Variants in DLGAP2 observed in about 807,000 individuals in gnomAD.
DLGAP2 encodes disks large-associated protein 2.
Under a neutral mutation model 100.3 loss-of-function variants are expected in DLGAP2, and 26 were observed. The observed-to-expected ratio is 0.26, with a 90% CI of 0.19 to 0.36. The LOEUF (loss-of-function observed/expected upper bound fraction) is 0.36, where lower values mean the gene tolerates loss of function less well. Among genes scored for constraint, DLGAP2 ranks in the 10% least tolerant of loss-of-function variants. The pLI, the probability that DLGAP2 is intolerant of heterozygous loss-of-function variation, is 1.00. For missense variants in DLGAP2, 1,858 were observed against 1,453.2 expected (o/e 1.28, Z -4.53); for synonymous variants, 886 against 630.1 (o/e 1.41, Z -6.08).
intron 2 of DLGAP2, among the ~76,000 whole-genome samples, chr8:1,125,064 C>A (rs1406935995): frequency 6.6e-6 from 1 of 152,240 alleles, no homozygotes; most frequent in Admixed American, 6.5e-5. Flanking sequence ...TTCTTTGAAT[C>A]CTGTCATGTC....
intron 5 of DLGAP2, among the ~76,000 whole-genome samples, chr8:1,558,112 G>A (rs548033455): frequency 6.6e-5 from 10 of 152,202 alleles, no homozygotes; most frequent in Non-Finnish European, 1.5e-4. Context: ...TGGCATCCAC[G>A]CATCCTGGGG....
chr8:891,124 A>C (rs1236331117), intron 1 of DLGAP2: 1 of 148,618 alleles, frequency 6.7e-6, no homozygotes, highest in African/African-American at 2.6e-5. Context: ...CGGGGTAAAT[A>C]AGGCACCCCC....
chr8:975,335 T>C (rs964482866), intron 2 of DLGAP2, among the ~76,000 whole-genome samples: 1 of 152,190 alleles, frequency 6.6e-6, no homozygotes. Context: ...ATTATTTCAG[T>C]ACTCCACAAC....
At chr8:1,262,460 G>A (rs374985347) in intron 3 of DLGAP2, 107 of 152,176 alleles carry the variant, frequency 7.0e-4, no homozygotes, top group African/African-American at 2.5e-3. Flanking sequence ...AGCGTGGCGT[G>A]AAAATGGAGC....
At chr8:1,139,388 C>T (rs1444859763) in intron 2 of DLGAP2, among the ~76,000 whole-genome samples, 2 of 152,228 alleles carry the variant, frequency 1.3e-5, no homozygotes, top group South Asian at 4.1e-4. Context: ...CTGCAGGCTG[C>T]AAGTCCGTGA....
chr8:884,995 C>G (rs955120083), intron 1 of DLGAP2, among the ~76,000 whole-genome samples: 3 of 152,128 alleles, frequency 2.0e-5, no homozygotes, highest in Non-Finnish European at 2.9e-5. Flanking sequence ...GTCTATATGT[C>G]TGTTTTGGTG....
intron 6 of DLGAP2, among the ~76,000 whole-genome samples, chr8:1,617,464 T>C (rs1797193486): frequency 6.6e-6 from 1 of 152,256 alleles, no homozygotes; most frequent in Non-Finnish European, 1.5e-5. Context: ...GATTTGCATT[T>C]CTTTAATGAT....
chr8:1,567,536 G>T (rs1350343429), intron 6 of DLGAP2, among the ~76,000 whole-genome samples: 1 of 152,182 alleles, frequency 6.6e-6, no homozygotes, highest in Non-Finnish European at 1.5e-5. Context: ...TACGAACGGC[G>T]TTTTCCTGTT....
At chr8:1,679,913 G>A (rs1268883246) in intron 12 of DLGAP2, among the ~76,000 whole-genome samples, 2 of 146,754 alleles carry the variant, frequency 1.4e-5, no homozygotes, top group Non-Finnish European at 3.0e-5. Context: ...CTGGGAGGCA[G>A]AGGTTGCAGT....
intron 3 of DLGAP2, among the ~76,000 whole-genome samples, chr8:1,271,856 C>A (rs1009993249): frequency 2.0e-5 from 3 of 152,000 alleles, no homozygotes; most frequent in Admixed American, 2.0e-4. Flanking sequence ...GTTCTATCAC[C>A]CAGGCTGGAG....
At chr8:895,052 G>A (rs369752096) in intron 1 of DLGAP2, among the ~76,000 whole-genome samples, 3 of 148,146 alleles carry the variant, frequency 2.0e-5, no homozygotes, top group African/African-American at 7.5e-5. Context: ...GGCTGGGGTG[G>A]GTGTGGGGAG....
At chr8:1,176,137 C>A (rs1020579700) in intron 2 of DLGAP2, among the ~76,000 whole-genome samples, 4 of 152,124 alleles carry the variant, frequency 2.6e-5, no homozygotes, top group Non-Finnish European at 4.4e-5. Context: ...GGAGAGGCCT[C>A]AGGAAACTTA....
intron 1 of DLGAP2, among the ~76,000 whole-genome samples, chr8:870,838 T>C (rs1349445528): frequency 6.6e-6 from 1 of 151,928 alleles, no homozygotes; most frequent in Non-Finnish European, 1.5e-5. Flanking sequence ...GAGTCTTGGC[T>C]CTCTTTCCCT....
chr8:1,296,950 A>C (rs1800194218), intron 3 of DLGAP2: 1 of 152,442 alleles, frequency 6.6e-6, no homozygotes, highest in Non-Finnish European at 1.5e-5. Flanking sequence ...TTCAATCCCA[A>C]GGTGGAGTTG....
intron 1 of DLGAP2, among the ~76,000 whole-genome samples, chr8:814,671 C>G (rs574020141): frequency 1.3e-5 from 2 of 151,328 alleles, no homozygotes; most frequent in African/African-American, 4.9e-5. Context: ...CATGGTGAAA[C>G]CCCGTCTCTA....
intron 5 of DLGAP2, among the ~76,000 whole-genome samples, chr8:1,564,261 C>G (rs1361074053): frequency 6.6e-6 from 1 of 152,172 alleles, no homozygotes; most frequent in Non-Finnish European, 1.5e-5. Flanking sequence ...GGGAGCAGCT[C>G]CCGCAATGGA....
intron 1 of DLGAP2, among the ~76,000 whole-genome samples, chr8:903,425 G>A (rs1798303333): frequency 6.6e-6 from 1 of 152,242 alleles, no homozygotes; most frequent in East Asian, 1.9e-4. Flanking sequence ...GTGCAAGGCC[G>A]TGTCCATAAA....
intron 3 of DLGAP2, 110 bp downstream of exon 3, chr8:1,258,993 G>A: frequency 3.2e-6 from 3 of 937,986 alleles, no homozygotes; most frequent in African/African-American, 1.7e-5. Flanking sequence ...GAACATTGAG[G>A]ACGCAGTCTG....
intron 2 of DLGAP2, among the ~76,000 whole-genome samples, chr8:1,246,534 C>T (rs894111175): frequency 1.3e-5 from 2 of 152,180 alleles, no homozygotes; most frequent in Non-Finnish European, 2.9e-5. Flanking sequence ...TCTTCTGCCT[C>T]AGGTTGAAAA....
Sources: gnomAD v4.1 joint callset for allele counts (sites outside exome capture counted in the v4.1 genomes callset) on GRCh38, gnomAD v4.1.1 for gene constraint, MANE v1.5 for transcripts, NCBI Gene and HGNC (gene_info 2026-07-23, HGNC 2026-07-21) for gene names.